Variants in SLC47A1 observed in about 807,000 individuals in gnomAD.
The protein encoded by SLC47A1 is solute carrier family 47 member 1.
In SLC47A1, 58 loss-of-function variants were observed where a neutral mutation model predicts 65.8. The ratio of observed to expected loss-of-function variants is 0.88; its 90% CI spans 0.71 to 1.10. The LOEUF (loss-of-function observed/expected upper bound fraction) is 1.10, where lower values mean the gene tolerates loss of function less well. SLC47A1 is among the 50% of genes least tolerant of loss of function. SLC47A1 has a pLI of 0.00. For synonymous variants in SLC47A1, 285 were observed against 295.0 expected (o/e 0.97, Z 0.35); for missense variants, 706 against 719.2 (o/e 0.98, Z 0.21).
At chr17:19,549,962 A>G (rs1457042075) in intron 5 of SLC47A1, among the ~76,000 whole-genome samples, 1 of 152,222 alleles carries the variant, frequency 6.6e-6, no homozygotes, top group Non-Finnish European at 1.5e-5. Flanking sequence ...AAACAAGGGC[A>G]AAGTCTCACC....
intron 6 of SLC47A1, among the ~76,000 whole-genome samples, chr17:19,553,973 C>A (rs1389899485): frequency 6.6e-6 from 1 of 152,172 alleles, no homozygotes; most frequent in Non-Finnish European, 1.5e-5. Context: ...AGGGCCTCCC[C>A]ATAAATATGT....
chr17:19,578,386 G>T lies in SLC47A1; in HGVS notation c.*833G>T. 5.6e-6 allele frequency: 1 copy of T among 177,834 alleles called. No individual in the cohort carries two copies. Among genetic ancestry groups the T allele is most frequent in the Non-Finnish European group, 1.2e-5 (1 of 83,406 alleles). The allele number at this position is 177,834 out of a possible 1,614,324, so 11.0% of individuals were successfully genotyped here. On this transcript the variant is annotated 3_prime_UTR_variant, in exon 17 of 17. Coordinates refer to ENST00000270570, the MANE Select transcript of SLC47A1 (RefSeq NM_018242.3). ...ACGCCTAGCTAATTTTTTATACCAG[G>T]GTCTACCCTTTGTTTCCCAGGCTGG...
chr17:19,541,522 A>G (rs904802659), intron 1 of SLC47A1, among the ~76,000 whole-genome samples: 2 of 152,174 alleles, frequency 1.3e-5, no homozygotes, highest in Admixed American at 1.3e-4. Context: ...TCGAGGAAGA[A>G]TGGTTCAATA....
intron 6 of SLC47A1, among the ~76,000 whole-genome samples, chr17:19,554,398 A>T (rs1916544962): frequency 6.6e-6 from 1 of 152,126 alleles, no homozygotes; most frequent in African/African-American, 2.4e-5. Flanking sequence ...TTTTGTGTTA[A>T]CATGATTTTG....
intron 2 of SLC47A1, among the ~76,000 whole-genome samples, chr17:19,543,477 C>A (rs1053637268): frequency 6.6e-6 from 1 of 152,112 alleles, no homozygotes; most frequent in Non-Finnish European, 1.5e-5. Context: ...GGGAGGGGAA[C>A]AGTAAAAGGG....
At chr17:19,566,884 A>T (rs199707258) in intron 13 of SLC47A1, 25 bp downstream of exon 13, 2 of 1,612,582 alleles carry the variant, frequency 1.2e-6, no homozygotes, top group African/African-American at 2.7e-5. Context: ...GTAGTCCCCT[A>T]AGCACTGTTA....
intron 4 of SLC47A1, among the ~76,000 whole-genome samples, chr17:19,549,084 A>G (rs1916372351): frequency 6.6e-6 from 1 of 152,180 alleles, no homozygotes; most frequent in Admixed American, 6.5e-5. Flanking sequence ...TTACCTGGCC[A>G]TAGTGCTGAG....
intron 6 of SLC47A1, 30 bp downstream of exon 6, chr17:19,551,498 G>A: frequency 1.9e-6 from 3 of 1,595,542 alleles, no homozygotes; most frequent in Non-Finnish European, 2.6e-6. Context: ...TCCTTTGGGA[G>A]GCTAATGGGA....
At chr17:19,576,451 A>G (rs956296163) in intron 16 of SLC47A1, among the ~76,000 whole-genome samples, 91 of 150,476 alleles carry the variant, frequency 6.0e-4, no homozygotes, top group African/African-American at 2.2e-3. Flanking sequence ...CCTGGGCTCA[A>G]GTGATCCTCC....
chr17:19,559,101 G>T (rs905129334), intron 10 of SLC47A1, among the ~76,000 whole-genome samples: 3 of 152,194 alleles, frequency 2.0e-5, no homozygotes, highest in African/African-American at 7.2e-5. Context: ...CAGTTAGCAT[G>T]TATGGACTCA....
At chr17:19,543,535 C>G (rs1916209346) in intron 2 of SLC47A1, among the ~76,000 whole-genome samples, 1 of 152,182 alleles carries the variant, frequency 6.6e-6, no homozygotes, top group Non-Finnish European at 1.5e-5. Context: ...CCCATGCCCA[C>G]TCCTCAGTTG....
chr17:19,542,364 C>A, intron 1 of SLC47A1, 29 bp from the exon 2 acceptor site: 1 of 1,558,708 alleles, frequency 6.4e-7, no homozygotes, highest in Non-Finnish European at 8.7e-7. Flanking sequence ...TGGTCACTCA[C>A]GTCCCTTCCC....
rs1276767683 is a variant in SLC47A1, at chr17:19,563,858, A to G, written c.1107-2932A>G. 3.9e-5 allele frequency among the ~76,000 whole-genome samples: 6 copies of G among 152,114 alleles called. No homozygotes were observed. In the South Asian group the frequency reaches 6.2e-4, roughly 16 times the overall value. ...CAAAAAATTAGCCGGGCGTGGTGGC[A>G]CGCACCTGTAGTCCCAGCTACTCGG... is the stretch of plus-strand genomic sequence containing the variant. On this transcript the variant is annotated intron_variant, in intron 12 of 16. Transcript: ENST00000270570.
At chr17:19,556,159 C>A in intron 10 of SLC47A1, 97 bp downstream of exon 10, 2 of 1,381,440 alleles carry the variant, frequency 1.4e-6, no homozygotes, top group Admixed American at 1.9e-5. Flanking sequence ...GTACATGAAT[C>A]ATTTGTGAAA....
intron 10 of SLC47A1, among the ~76,000 whole-genome samples, chr17:19,556,522 A>G (rs1916616517): frequency 1.3e-5 from 2 of 151,426 alleles, no homozygotes; most frequent in Admixed American, 6.6e-5. Context: ...ACTGCAAGGT[A>G]GATCCCCAAA....
At chr17:19,542,263 G>A in intron 1 of SLC47A1, 130 bp from the exon 2 acceptor site, 1 of 499,218 alleles carries the variant, frequency 2.0e-6, no homozygotes, top group Non-Finnish European at 3.5e-6. Flanking sequence ...TGTGAAAGGT[G>A]GCAGAGGCTC....
At chr17:19,553,722 A>G (rs1187748737) in intron 6 of SLC47A1, among the ~76,000 whole-genome samples, 1 of 151,880 alleles carries the variant, frequency 6.6e-6, no homozygotes, top group Non-Finnish European at 1.5e-5. Flanking sequence ...TTGTATTTTT[A>G]GTAGAGATGG....
chr17:19,555,079 C>T, intron 6 of SLC47A1, 133 bp from the exon 7 acceptor site: 1 of 759,906 alleles, frequency 1.3e-6, no homozygotes, highest in Non-Finnish European at 2.3e-6. Flanking sequence ...GACATGACCT[C>T]CCCAGTTAAG....
At chr17:19,571,594 C>T (rs748972756) in intron 15 of SLC47A1, 22 bp downstream of exon 15, 44 of 1,584,304 alleles carry the variant, frequency 2.8e-5, no homozygotes, top group East Asian at 2.0e-4. Context: ...CATTCTGTCC[C>T]GGTAAAGGTT....
Sources: allele counts gnomAD v4.1 joint callset (sites outside exome capture counted in the v4.1 genomes callset), GRCh38; gene constraint gnomAD v4.1.1; transcripts MANE v1.5; gene names NCBI Gene and HGNC (gene_info 2026-07-23, HGNC 2026-07-21).